ASB4: variants seen among roughly 807,000 people sequenced by gnomAD.
The protein encoded by ASB4 is ankyrin repeat and SOCS box protein 4.
Under a neutral mutation model 38.6 loss-of-function variants are expected in ASB4, and 35 were observed. The ratio of observed to expected loss-of-function variants is 0.91; its 90% CI spans 0.69 to 1.20. ASB4 has a LOEUF of 1.20. ASB4 is among the 50% of genes most tolerant of loss of function. ASB4 has a pLI of 0.00. For missense variants in ASB4, 557 were observed against 527.2 expected, an observed-to-expected ratio of 1.06 and a Z score of -0.55; for synonymous variants, 195 against 201.3, an observed-to-expected ratio of 0.97 and a Z score of 0.26.
intron 2 of ASB4, among the ~76,000 whole-genome samples, chr7:95,498,750 G>A (rs528094904): frequency 5.9e-5 from 9 of 152,136 alleles, no homozygotes; most frequent in African/African-American, 2.2e-4. Flanking sequence ...TGTTTCATAT[G>A]TTTATTTCTA....
intron 2 of ASB4, 99 bp downstream of exon 2, chr7:95,496,156 A>G: frequency 8.5e-7 from 1 of 1,178,000 alleles, no homozygotes; most frequent in Non-Finnish European, 1.2e-6. Context: ...AGTAAGCATA[A>G]AGATGCAATT....
the ASB4 span, among the ~76,000 whole-genome samples, chr7:95,545,505 A>G: frequency 2.0e-5 from 3 of 152,042 alleles, no homozygotes; most frequent in Non-Finnish European, 4.4e-5. Flanking sequence ...CCATTCATTC[A>G]ATTTCCCTTC....
At chr7:95,509,808 ATG>A (rs1790456224) in intron 2 of ASB4, among the ~76,000 whole-genome samples, 1 of 152,190 alleles carries the variant, frequency 6.6e-6, no homozygotes, top group Non-Finnish European at 1.5e-5. Context: ...TGCAACAACC[ATG>A]TGAGGTTGCA....
upstream of ASB4, among the ~76,000 whole-genome samples, chr7:95,475,889 T>A (rs1423018913): frequency 2.6e-5 from 4 of 152,194 alleles, no homozygotes; most frequent in Non-Finnish European, 5.9e-5. Flanking sequence ...TTAGTTAAGA[T>A]TTATGGGGTG....
chr7:95,474,946 G>T (rs1296839647), upstream of ASB4, among the ~76,000 whole-genome samples: 1 of 152,246 alleles, frequency 6.6e-6, no homozygotes, highest in Non-Finnish European at 1.5e-5. Flanking sequence ...TTTAGAAACA[G>T]TAATTAAGGA....
At chr7:95,519,361 G>A (rs1423850952) in intron 2 of ASB4, among the ~76,000 whole-genome samples, 1 of 152,216 alleles carries the variant, frequency 6.6e-6, no homozygotes, top group African/African-American at 2.4e-5. Flanking sequence ...AATAATAGAT[G>A]TTTCTAAATA....
At chr7:95,528,387 T>C (rs1244565830) in intron 3 of ASB4, 84 bp downstream of exon 3, 1 of 1,592,604 alleles carries the variant, frequency 6.3e-7, no homozygotes, top group Non-Finnish European at 8.5e-7. Context: ...TCAAGCTTGC[T>C]TGAGGCTTGA....
chr7:95,497,230 T>C lies in ASB4; in HGVS notation c.487+1173T>C, dbSNP rs974601647. 1.5e-4 allele frequency among the ~76,000 whole-genome samples: 23 copies of C among 152,096 alleles called. 1 individual carries two copies. Among genetic ancestry groups the C allele is most frequent in the Non-Finnish European group, 2.9e-4 (20 of 68,028 alleles). The stretch of plus-strand genomic sequence containing the variant: ...ATTCTGGAGCTATGCAGAAAATAGA[T>C]TGGAGGTAGACAAGAATGGAAGCAG... On this transcript the variant is annotated intron_variant, in intron 2 of 4. Transcript: ENST00000325885.
intron 2 of ASB4, among the ~76,000 whole-genome samples, chr7:95,525,557 G>A (rs1790725554): frequency 6.6e-6 from 1 of 152,002 alleles, no homozygotes; most frequent in African/African-American, 2.4e-5. Flanking sequence ...ACAGGTCAAA[G>A]ATCAATCGTA....
At chr7:95,492,236 G>C (rs1790182027) in intron 1 of ASB4, among the ~76,000 whole-genome samples, 1 of 152,154 alleles carries the variant, frequency 6.6e-6, no homozygotes, top group South Asian at 2.1e-4. Flanking sequence ...GAGAGGCCAA[G>C]GATGACTGAC....
At chr7:95,541,670 A>G (rs1790972173), downstream of ASB4, among the ~76,000 whole-genome samples, 1 of 152,206 alleles carries the variant, frequency 6.6e-6, no homozygotes, top group Non-Finnish European at 1.5e-5. Flanking sequence ...TGTAAGTAGT[A>G]AAATAGACGC....
At chr7:95,542,296 T>A (rs1025761008), downstream of ASB4, 1 of 152,178 alleles carries the variant, frequency 6.6e-6, no homozygotes, top group Non-Finnish European at 1.5e-5. Flanking sequence ...AGCCATTTGG[T>A]TCATCAGAAA....
At chr7:95,546,423 AT>A in the ASB4 span, among the ~76,000 whole-genome samples, 1,120 of 151,622 alleles carry the variant, frequency 7.4e-3, 12 homozygotes, top group African/African-American at 0.025. Flanking sequence ...ATTCTTAAAT[AT>A]TTTTTTTTCT....
At chr7:95,517,602 A>T (rs1790601863) in intron 2 of ASB4, among the ~76,000 whole-genome samples, 1 of 121,264 alleles carries the variant, frequency 8.2e-6, no homozygotes, top group Admixed American at 7.4e-5. Flanking sequence ...AAGGAAACTG[A>T]AAAAAAAAAA....
At chr7:95,509,685 G>A (rs1295734939) in intron 2 of ASB4, among the ~76,000 whole-genome samples, 1 of 152,108 alleles carries the variant, frequency 6.6e-6, no homozygotes, top group Non-Finnish European at 1.5e-5. Flanking sequence ...GGAAATTGAT[G>A]TTGCCGGTAT....
At chr7:95,493,276 A>C (rs1348023648) in intron 1 of ASB4, among the ~76,000 whole-genome samples, 2 of 152,170 alleles carry the variant, frequency 1.3e-5, no homozygotes, top group Non-Finnish European at 2.9e-5. Context: ...TTCTTTTTAA[A>C]GAGGAGATTT....
rs576925179 is a variant in ASB4, at chr7:95,494,153, T to C, written c.188-1605T>C. Among the ~76,000 whole-genome samples the C allele has an allele frequency of 2.6e-5, 4 of 152,328 alleles. No individual in the cohort carries two copies. The South Asian group carries it at 8.3e-4, about 32-fold the overall frequency. Reference sequence around the variant, plus strand: ...CCCAGGAGTGGCATGTCTCTAGTGTTTTTCACTTAAATGAGAGAAATTTAA... The same window carrying C: ...CCCAGGAGTGGCATGTCTCTAGTGTCTTTCACTTAAATGAGAGAAATTTAA... On this transcript the variant is annotated intron_variant, in intron 1 of 4. Transcript: ENST00000325885.
chr7:95,544,897 T>C (rs1011539810), downstream of ASB4, among the ~76,000 whole-genome samples: 6 of 152,108 alleles, frequency 3.9e-5, no homozygotes, highest in African/African-American at 1.4e-4. Context: ...GGTTTCACTA[T>C]GCTGACCAGG....
chr7:95,497,369 G>A (rs924313068), intron 2 of ASB4, among the ~76,000 whole-genome samples: 1 of 152,144 alleles, frequency 6.6e-6, no homozygotes, highest in African/African-American at 2.4e-5. Context: ...CATTTTGGAA[G>A]TAGAATTGTT....
Sources: allele counts gnomAD v4.1 joint callset (sites outside exome capture counted in the v4.1 genomes callset), GRCh38; gene constraint gnomAD v4.1.1; transcripts MANE v1.5; gene names NCBI Gene and HGNC (gene_info 2026-07-23, HGNC 2026-07-21).